ZNF248: variants seen among roughly 807,000 people sequenced by gnomAD.
ZNF248 encodes the protein KRAB protein domain.
Under a neutral mutation model 44.3 loss-of-function variants are expected in ZNF248, and 20 were observed. The ratio of observed to expected loss-of-function variants is 0.45; its 90% CI spans 0.32 to 0.66. The LOEUF is 0.66. Ranked by LOEUF, ZNF248 falls within the 30% of genes least tolerant of loss-of-function variation. The pLI is 0.04. For synonymous variants in ZNF248, 224 were observed against 229.0 expected (o/e 0.98, Z 0.20); for missense variants, 654 against 677.0 (o/e 0.97, Z 0.38).
the ZNF248 span, among the ~76,000 whole-genome samples, chr10:37,763,729 G>T: frequency 6.6e-6 from 1 of 152,170 alleles, no homozygotes; most frequent in African/African-American, 2.4e-5. Context: ...CAGAGGGACC[G>T]GCTGAAGCCA....
At chr10:37,777,621 G>C (rs1480861630) in intron 6 of ZNF248, among the ~76,000 whole-genome samples, 2 of 150,034 alleles carry the variant, frequency 1.3e-5, no homozygotes, top group Non-Finnish European at 3.0e-5. Context: ...TGCCATGCTG[G>C]TGCGCTGCAC....
rs992178299 is a variant in ZNF248 at position 37,830,119 on chromosome 10, A to G, written c.*1496T>C. On this transcript the variant is annotated 3_prime_UTR_variant, in exon 6 of 6. Transcript: ENST00000395867. ...TAGACCGTGCCCAAACAGATACACA[A>G]TGAAAAATCAAGGATATCAAAAGGG... 6.1e-6 allele frequency: 6 copies of G among 985,330 alleles called. No individual in the cohort carries two copies. The highest frequency in any genetic ancestry group is 1.7e-5 in the African/African-American group (1 of 57,246). 61.0% of individuals were successfully genotyped at this position (985,330 alleles called of 1,614,324 possible).
chr10:37,760,179 CA>C, the ZNF248 span, among the ~76,000 whole-genome samples: 1 of 152,104 alleles, frequency 6.6e-6, no homozygotes, highest in African/African-American at 2.4e-5. Flanking sequence ...AAACCTTTAA[CA>C]AAAATATATG....
the ZNF248 span, among the ~76,000 whole-genome samples, chr10:37,761,764 A>C: frequency 1.3e-5 from 2 of 152,226 alleles, no homozygotes; most frequent in African/African-American, 4.8e-5. Context: ...TAATTCTTCA[A>C]AAAGGTTGCC....
downstream of ZNF248, among the ~76,000 whole-genome samples, chr10:37,773,127 T>A (rs374499141): frequency 1.3e-5 from 2 of 152,252 alleles, no homozygotes; most frequent in African/African-American, 4.8e-5. Flanking sequence ...ACACCTGTAA[T>A]CCCAGCTACT....
At chr10:37,759,734 A>G in the ZNF248 span, among the ~76,000 whole-genome samples, 61 of 152,362 alleles carry the variant, frequency 4.0e-4, no homozygotes, top group African/African-American at 1.4e-3. Flanking sequence ...GTTAGAGCCC[A>G]AAGGCTCAAT....
At chr10:37,857,086 T>C (rs1564704765) in intron 1 of ZNF248, 99 bp downstream of exon 1, 1 of 152,256 alleles carries the variant, frequency 6.6e-6, no homozygotes, top group Non-Finnish European at 1.5e-5. Context: ...CAGCATTTCT[T>C]TCGCTGTGGC....
rs2056300347 is a variant in ZNF248, at chr10:37,833,133, T to C, written c.239-17A>G. On this transcript the variant is annotated splice_polypyrimidine_tract_variant and intron_variant, in intron 5 of 5. Coordinates refer to ENST00000395867, the MANE Select transcript of ZNF248 (RefSeq NM_021045.3). ...ATTTCCTTTCTAGAAATGAGAAAAA[T>C]AACCACATCTTATGAACCTTAATAC... 1 of 1,563,512 alleles carries C rather than the reference T, an allele frequency of 6.4e-7. No homozygotes were observed. Among genetic ancestry groups the C allele is most frequent in the Non-Finnish European group, 8.6e-7 (1 of 1,162,106 alleles).
At chr10:37,798,136 A>G (rs2049370352) in intron 6 of ZNF248, among the ~76,000 whole-genome samples, 1 of 152,184 alleles carries the variant, frequency 6.6e-6, no homozygotes, top group Non-Finnish European at 1.5e-5. Flanking sequence ...CAGCTTTAAC[A>G]ATGAATAAAG....
Position 37,790,617 on chromosome 10 carries a change from G to A in ZNF248, c.331-14042C>T, listed in dbSNP as rs1242989656. On this transcript the variant is annotated intron_variant, in intron 6 of 6. Coordinates refer to the ZNF248 transcript ENST00000615949. Reference sequence around the variant, plus strand: ...CTCAGCTACTCGGGAGGCTGAGGCAGGAGAATCTCTTGAACCTGGGAGGCA... The same window carrying A: ...CTCAGCTACTCGGGAGGCTGAGGCAAGAGAATCTCTTGAACCTGGGAGGCA... 1.3e-5 allele frequency among the ~76,000 whole-genome samples: 2 copies of A among 151,998 alleles called. 1 individual carries two copies. The highest frequency in any genetic ancestry group is 4.8e-5 in the African/African-American group (2 of 41,382).
Position 37,829,751 on chromosome 10 carries a change from T to C in ZNF248, c.*1864A>G. ...AGACATGAAAAAGCCCAGCAGAGTC[T>C]CTTCTCATGTCATGACAATGTTGTA... is the stretch of plus-strand genomic sequence containing the variant. On this transcript the variant is annotated 3_prime_UTR_variant, in exon 6 of 6. Transcript: ENST00000395867. The C allele has an allele frequency of 1.0e-6, 1 of 981,962 alleles. No individual in the cohort carries two copies. The highest frequency in any genetic ancestry group is 1.2e-6 in the Non-Finnish European group (1 of 829,892). The allele number at this position is 981,962 out of a possible 1,614,324, so 60.8% of individuals were successfully genotyped here.
Position 37,831,664 on chromosome 10 carries a change from G to A in ZNF248, c.1691C>T (p.Thr564Ile). 1 of 1,613,866 alleles carries A rather than the reference G, an allele frequency of 6.2e-7. No homozygotes were observed. Among genetic ancestry groups the A allele is most frequent in the Non-Finnish European group, 8.5e-7 (1 of 1,179,852 alleles). Reference sequence around the variant, plus strand: ...CCTTGTGTGAATTCTCTGATGTTTGGTGAGCACTGACCTCTGACTAAAGGT... The same window carrying A: ...CCTTGTGTGAATTCTCTGATGTTTGATGAGCACTGACCTCTGACTAAAGGT... ...GKTFSQRSVL[T>I]KHQRIHTRVK... The change falls in exon 6 of 6, where the codon ACC becomes ATC. Residue 564 changes from threonine to isoleucine, a missense_variant. By Grantham distance (89) the Thr-to-Ile change is moderately conservative (BLOSUM62 -1). Coordinates refer to ENST00000395867, the MANE Select transcript of ZNF248 (RefSeq NM_021045.3).
intron 6 of ZNF248, among the ~76,000 whole-genome samples, chr10:37,802,014 C>G (rs562873396): frequency 6.6e-6 from 1 of 152,194 alleles, no homozygotes; most frequent in African/African-American, 2.4e-5. Flanking sequence ...AAATCTGCAG[C>G]TCAGCTTCGA....
chr10:37,789,911 C>G (rs1589099246), intron 6 of ZNF248, among the ~76,000 whole-genome samples: 1 of 152,168 alleles, frequency 6.6e-6, no homozygotes, highest in East Asian at 1.9e-4. Flanking sequence ...TACTTCCACT[C>G]TAGTAGGAAG....
At chr10:37,813,569 T>C (rs1015025822) in intron 6 of ZNF248, among the ~76,000 whole-genome samples, 1 of 152,196 alleles carries the variant, frequency 6.6e-6, no homozygotes, top group Admixed American at 6.5e-5. Flanking sequence ...CACTTCCACT[T>C]AATGAATAAA....
chr10:37,770,832 G>C, the ZNF248 span, among the ~76,000 whole-genome samples: 2 of 151,678 alleles, frequency 1.3e-5, no homozygotes, highest in Admixed American at 1.3e-4. Context: ...AGAGTGAACA[G>C]GCAACCTACA....
At chr10:37,827,454 A>T (rs2054556594), downstream of ZNF248, among the ~76,000 whole-genome samples, 1 of 152,160 alleles carries the variant, frequency 6.6e-6, no homozygotes, top group Admixed American at 6.5e-5. Flanking sequence ...ATCAGTTCTC[A>T]CCTACCAAAG....
chr10:37,772,760 T>C (rs1335661074), downstream of ZNF248, among the ~76,000 whole-genome samples: 2 of 152,174 alleles, frequency 1.3e-5, no homozygotes, highest in Admixed American at 1.3e-4. Flanking sequence ...TGTTCATCTT[T>C]CCAATGATTT....
chr10:37,786,563 G>A (rs934390419), intron 6 of ZNF248, among the ~76,000 whole-genome samples: 2 of 152,134 alleles, frequency 1.3e-5, no homozygotes, highest in Admixed American at 6.5e-5. Context: ...ACATAATCTT[G>A]AGGTTGCATA....
Sources: gnomAD v4.1 joint callset for allele counts (sites outside exome capture counted in the v4.1 genomes callset) on GRCh38, gnomAD v4.1.1 for gene constraint, MANE v1.5 for transcripts, NCBI Gene and HGNC (gene_info 2026-07-23, HGNC 2026-07-21) for gene names.